The following LRRC4C variants were observed in gnomAD, a reference collection of about 807,000 sequenced individuals.
LRRC4C encodes leucine rich repeat containing 4C, also known as leucine-rich repeat-containing protein 4C.
LRRC4C carries 5 observed loss-of-function variants against 33.6 expected under a neutral mutation model. That is an observed-to-expected ratio of 0.15 (90% CI 0.08 to 0.31). The LOEUF (loss-of-function observed/expected upper bound fraction) is 0.31. Ranked by LOEUF, LRRC4C falls within the 10% of genes least tolerant of loss-of-function variation. The pLI, the probability that LRRC4C is intolerant of heterozygous loss-of-function variation, is 1.00. For missense variants in LRRC4C, 560 were observed against 796.7 expected, an observed-to-expected ratio of 0.70 and a Z score of 3.58; for synonymous variants, 329 against 302.0, an observed-to-expected ratio of 1.09 and a Z score of -0.93.
At chr11:40,556,055 T>C (rs1258190635) in intron 3 of LRRC4C, among the ~76,000 whole-genome samples, 1 of 152,138 alleles carries the variant, frequency 6.6e-6, no homozygotes, top group Non-Finnish European at 1.5e-5. Context: ...TTCCTCCAAT[T>C]TCCCATCTAA....
chr11:40,975,910 A>G (rs544445867), intron 1 of LRRC4C, among the ~76,000 whole-genome samples: 51 of 152,296 alleles, frequency 3.3e-4, no homozygotes, highest in African/African-American at 1.2e-3. Flanking sequence ...TATTTCCACT[A>G]CTGATACTTC....
intron 1 of LRRC4C, among the ~76,000 whole-genome samples, chr11:41,070,256 C>G (rs1458884647): frequency 6.6e-6 from 1 of 151,986 alleles, no homozygotes; most frequent in Admixed American, 6.6e-5. Context: ...ACACCTTATA[C>G]AAAATTATCT....
At chr11:40,903,602 A>G (rs1251438800) in intron 2 of LRRC4C, among the ~76,000 whole-genome samples, 2 of 152,206 alleles carry the variant, frequency 1.3e-5, no homozygotes, top group South Asian at 2.1e-4. Context: ...ATTGTGATTC[A>G]TAGGAAGAGG....
chr11:40,482,864 T>C (rs1953659285), intron 3 of LRRC4C, among the ~76,000 whole-genome samples: 1 of 152,188 alleles, frequency 6.6e-6, no homozygotes, highest in African/African-American at 2.4e-5. Context: ...ACCTCTGTTT[T>C]ATCTCAGTCC....
intron 1 of LRRC4C, among the ~76,000 whole-genome samples, chr11:41,209,537 C>T (rs543597032): frequency 2.6e-5 from 4 of 151,414 alleles, no homozygotes; most frequent in Non-Finnish European, 5.9e-5. Context: ...CCCAGCTACT[C>T]GGGAAGCTGA....
At chr11:40,927,309 G>A (rs1422928953) in intron 2 of LRRC4C, among the ~76,000 whole-genome samples, 2 of 151,206 alleles carry the variant, frequency 1.3e-5, no homozygotes, top group East Asian at 4.0e-4. Context: ...GAGAGGCGGA[G>A]GTTGCAATGA....
intron 2 of LRRC4C, among the ~76,000 whole-genome samples, chr11:40,720,973 A>G (rs920084508): frequency 1.3e-5 from 2 of 152,178 alleles, no homozygotes; most frequent in Non-Finnish European, 2.9e-5. Context: ...GAGCCTATTC[A>G]TTATAGGAAG....
At chr11:41,426,531 G>A (rs551216502) in intron 1 of LRRC4C, 3 of 152,284 alleles carry the variant, frequency 2.0e-5, no homozygotes, top group East Asian at 1.9e-4. Context: ...TACAGCCCAC[G>A]CTGTGTTTGC....
chr11:41,395,376 G>A (rs1953767720), intron 1 of LRRC4C, among the ~76,000 whole-genome samples: 1 of 151,916 alleles, frequency 6.6e-6, no homozygotes, highest in Admixed American at 6.6e-5. Flanking sequence ...CAAATAATGA[G>A]GTCTGGAGAC....
chr11:41,251,482 T>TC (rs1201302843), intron 1 of LRRC4C, among the ~76,000 whole-genome samples: 9 of 152,200 alleles, frequency 5.9e-5, no homozygotes, highest in Non-Finnish European at 1.5e-5. Flanking sequence ...GTGTCCTGTT[T>TC]CCCCTTGCTT....
intron 1 of LRRC4C, among the ~76,000 whole-genome samples, chr11:41,061,828 C>CT (rs2135368463): frequency 6.6e-6 from 1 of 151,940 alleles, no homozygotes; most frequent in East Asian, 1.9e-4. Context: ...TTATCTTGGT[C>CT]TTTTTTGCTG....
chr11:40,266,377 T>C (rs749804019), intron 4 of LRRC4C, among the ~76,000 whole-genome samples: 3 of 151,984 alleles, frequency 2.0e-5, no homozygotes, highest in Non-Finnish European at 2.9e-5. Flanking sequence ...TCCAGCACTT[T>C]GGGAGTCCAA....
At chr11:40,802,483 A>C (rs1951078849) in intron 2 of LRRC4C, among the ~76,000 whole-genome samples, 1 of 148,184 alleles carries the variant, frequency 6.7e-6, no homozygotes, top group Non-Finnish European at 1.5e-5. Context: ...GAAATTGGAC[A>C]TAATTCTTAG....
intron 2 of LRRC4C, among the ~76,000 whole-genome samples, chr11:40,796,087 G>A (rs1314973797): frequency 6.6e-6 from 1 of 152,142 alleles, no homozygotes; most frequent in Non-Finnish European, 1.5e-5. Context: ...GAGAATATGG[G>A]TGCTTTGGTA....
intron 3 of LRRC4C, among the ~76,000 whole-genome samples, chr11:40,450,775 TAAAAA>T (rs768633791): frequency 7.7e-6 from 1 of 129,126 alleles, no homozygotes; most frequent in African/African-American, 2.8e-5. Context: ...CCCTGAAAAT[TAAAAA>T]AAAAAAAAAA....
intron 1 of LRRC4C, among the ~76,000 whole-genome samples, chr11:40,982,019 AC>A (rs1409035316): frequency 6.6e-6 from 1 of 152,176 alleles, no homozygotes; most frequent in Non-Finnish European, 1.5e-5. Flanking sequence ...ATATATCTAC[AC>A]TTCTGCATTC....
At chr11:40,503,842 G>T (rs1954901234) in intron 3 of LRRC4C, among the ~76,000 whole-genome samples, 1 of 152,248 alleles carries the variant, frequency 6.6e-6, no homozygotes, top group South Asian at 2.1e-4. Flanking sequence ...ACAAATGTTG[G>T]CTTTTTCTTT....
chr11:41,031,802 G>A (rs938240893), intron 1 of LRRC4C, among the ~76,000 whole-genome samples: 20 of 151,990 alleles, frequency 1.3e-4, no homozygotes, highest in Non-Finnish European at 2.5e-4. Flanking sequence ...GTTCTAGAAA[G>A]AGCAGCATAA....
At chr11:40,346,515 C>T (rs771991848) in intron 3 of LRRC4C, among the ~76,000 whole-genome samples, 1 of 152,026 alleles carries the variant, frequency 6.6e-6, no homozygotes, top group African/African-American at 2.4e-5. Flanking sequence ...CACATGGACA[C>T]ACAGAGGGGA....
Sources: gnomAD v4.1 joint callset for allele counts (sites outside exome capture counted in the v4.1 genomes callset) on GRCh38, gnomAD v4.1.1 for gene constraint, MANE v1.5 for transcripts, NCBI Gene and HGNC (gene_info 2026-07-23, HGNC 2026-07-21) for gene names.